Variants in CFTR observed in about 807,000 individuals in gnomAD.
CFTR encodes the protein cystic fibrosis transmembrane conductance regulator.
In CFTR, 181 loss-of-function variants were observed where a neutral mutation model predicts 171.6. That is an observed-to-expected ratio of 1.05 (90% CI 0.93 to 1.19). The LOEUF (loss-of-function observed/expected upper bound fraction) is 1.19. Ranked by LOEUF, CFTR falls within the 50% of genes most tolerant of loss-of-function variation. The pLI, the probability that CFTR is intolerant of heterozygous loss-of-function variation, is 0.00. For synonymous variants in CFTR, 583 were observed against 608.0 expected (o/e 0.96, Z 0.60); for missense variants, 1,968 against 1,734.7 (o/e 1.13, Z -2.39).
chr7:117,562,613 ACACTATT>A (rs1791532400), intron 11 of CFTR, among the ~76,000 whole-genome samples: 1 of 152,172 alleles, frequency 6.6e-6, no homozygotes, highest in South Asian at 2.1e-4. Flanking sequence ...CTTATGCCAG[ACACTATT>A]CACTGTGTAG....
At chr7:117,620,758 A>G (rs1792562447) in intron 21 of CFTR, among the ~76,000 whole-genome samples, 1 of 152,174 alleles carries the variant, frequency 6.6e-6, no homozygotes, top group Non-Finnish European at 1.5e-5. Flanking sequence ...TTTGCAATGA[A>G]GGAATGGATT....
chr7:117,652,429 T>G (rs1261788943), intron 23 of CFTR, among the ~76,000 whole-genome samples: 1 of 152,214 alleles, frequency 6.6e-6, no homozygotes, highest in Non-Finnish European at 1.5e-5. Flanking sequence ...GGAAATACAT[T>G]AACAAACTAG....
At chr7:117,577,510 C>A (rs538992237) in intron 11 of CFTR, among the ~76,000 whole-genome samples, 1 of 152,212 alleles carries the variant, frequency 6.6e-6, no homozygotes. Context: ...ATTTTGCAGT[C>A]ATGGGATATA....
chr7:117,602,817 C>G lies in CFTR; in HGVS notation c.2620-9C>G, dbSNP rs1239102386. On this transcript the variant is annotated splice_polypyrimidine_tract_variant and intron_variant, in intron 15 of 26. Coordinates refer to ENST00000003084, the MANE Select transcript of CFTR (RefSeq NM_000492.4). ...GAAAAAAAATCAACTGTGTCTTGTTCCATTCCAGGTGGCTGCTTCTTTGGT... is the reference window on the plus strand; with the variant it reads ...GAAAAAAAATCAACTGTGTCTTGTTGCATTCCAGGTGGCTGCTTCTTTGGT... 1 of 1,613,468 alleles carries G rather than the reference C, an allele frequency of 6.2e-7. No homozygotes were observed. The highest frequency in any genetic ancestry group is 2.2e-5 in the East Asian group (1 of 44,868).
At position 117,556,492 on chromosome 7, in the gene CFTR, A is replaced by C. The variant is rs997074778; in HGVS notation, c.1393-2972A>C. On this transcript the variant is annotated intron_variant, in intron 10 of 26. Transcript: ENST00000003084. ...AAGCGGTCCCTTATGAGTTTTCTCT[A>C]TGTTTTATTTGTTTCATTTCTTTTT... 8.5e-5 allele frequency among the ~76,000 whole-genome samples: 11 copies of C among 128,990 alleles called. No homozygotes were observed. In the South Asian group the frequency reaches 3.0e-3, roughly 35 times the overall value. 84.6% of individuals were successfully genotyped at this position (128,990 alleles called of 152,430 possible).
intron 1 of CFTR, among the ~76,000 whole-genome samples, chr7:117,488,748 CTAAAG>C (rs746736853): frequency 2.6e-5 from 4 of 152,144 alleles, no homozygotes; most frequent in East Asian, 1.9e-4. Context: ...ACCTAGTGCT[CTAAAG>C]TAAAGGCTAC....
chr7:117,624,732 T>C (rs766214364), intron 21 of CFTR, among the ~76,000 whole-genome samples: 5 of 152,160 alleles, frequency 3.3e-5, no homozygotes, highest in Admixed American at 6.6e-5. Flanking sequence ...TTCTAATCCA[T>C]CATAATTTTT....
intron 4 of CFTR, among the ~76,000 whole-genome samples, 187 bp downstream of exon 4, chr7:117,531,301 A>G (rs1255807742): frequency 6.6e-6 from 1 of 152,084 alleles, no homozygotes; most frequent in African/African-American, 2.4e-5. Context: ...ATTGACTTAA[A>G]CTGATAATTA....
At chr7:117,512,774 A>G (rs1454862637) in intron 3 of CFTR, among the ~76,000 whole-genome samples, 1 of 152,086 alleles carries the variant, frequency 6.6e-6, no homozygotes, top group Non-Finnish European at 1.5e-5. Context: ...AGAGAATATG[A>G]TTATACAATG....
chr7:117,618,495 C>T (rs555246693), intron 21 of CFTR, among the ~76,000 whole-genome samples: 1 of 152,066 alleles, frequency 6.6e-6, no homozygotes, highest in East Asian at 1.9e-4. Flanking sequence ...CACACACACA[C>T]ACACACACAC....
chr7:117,635,996 T>TATA, intron 22 of CFTR, among the ~76,000 whole-genome samples: 1 of 152,288 alleles, frequency 6.6e-6, no homozygotes, highest in East Asian at 1.9e-4. Flanking sequence ...TTCTGACCTG[T>TATA]ATAATTTTCC....
intron 23 of CFTR, among the ~76,000 whole-genome samples, chr7:117,643,965 C>T (rs1792958182): frequency 6.6e-6 from 1 of 152,082 alleles, no homozygotes; most frequent in Non-Finnish European, 1.5e-5. Flanking sequence ...GACGTAGGAA[C>T]GTATATATGC....
At chr7:117,600,426 C>G (rs1011625299) in intron 15 of CFTR, among the ~76,000 whole-genome samples, 3 of 152,016 alleles carry the variant, frequency 2.0e-5, no homozygotes, top group Admixed American at 6.5e-5. Context: ...ACTGGAATAT[C>G]TGAAGATCCT....
At chr7:117,515,867 A>T (rs189466598) in intron 3 of CFTR, among the ~76,000 whole-genome samples, 1 of 152,216 alleles carries the variant, frequency 6.6e-6, no homozygotes, top group Admixed American at 6.6e-5. Context: ...GGTCTTTCAC[A>T]TCCTTTGTTA....
Position 117,634,353 on chromosome 7 carries a change from G to A in CFTR, c.3717+6583G>A, listed in dbSNP as rs545539920. On this transcript the variant is annotated intron_variant, in intron 22 of 26. Coordinates refer to ENST00000003084, the MANE Select transcript of CFTR (RefSeq NM_000492.4). ...CCCCTTTTTTGTTTTATTGATATTA[G>A]CAATTTGTGTCACATCTTTTATTTT... Among the ~76,000 whole-genome samples the A allele has an allele frequency of 2.6e-5, 4 of 152,024 alleles. No homozygotes were observed. In the South Asian group the frequency reaches 8.3e-4, roughly 32 times the overall value.
chr7:117,634,614 CT>C (rs1420855767), intron 22 of CFTR, among the ~76,000 whole-genome samples: 1 of 152,020 alleles, frequency 6.6e-6, no homozygotes, highest in Non-Finnish European at 1.5e-5. Flanking sequence ...CTAAGCACTG[CT>C]TTTTCTGCAT....
chr7:117,568,974 T>C (rs566430727), intron 11 of CFTR, among the ~76,000 whole-genome samples: 1 of 152,226 alleles, frequency 6.6e-6, no homozygotes, highest in African/African-American at 2.4e-5. Context: ...CCGAGGCAGG[T>C]TGGTAGGGTG....
chr7:117,637,115 C>T (rs1315343388), intron 22 of CFTR, among the ~76,000 whole-genome samples: 1 of 152,050 alleles, frequency 6.6e-6, no homozygotes, highest in Non-Finnish European at 1.5e-5. Flanking sequence ...CCATGCCCTG[C>T]CTTTAGCATG....
intron 1 of CFTR, among the ~76,000 whole-genome samples, chr7:117,482,677 A>G (rs898417275): frequency 6.6e-6 from 1 of 152,242 alleles, no homozygotes; most frequent in African/African-American, 2.4e-5. Flanking sequence ...TGATTTATAA[A>G]TGGTCACCAA....
Sources: gnomAD v4.1 joint callset for allele counts (sites outside exome capture counted in the v4.1 genomes callset) on GRCh38, gnomAD v4.1.1 for gene constraint, MANE v1.5 for transcripts, NCBI Gene and HGNC (gene_info 2026-07-23, HGNC 2026-07-21) for gene names.